The following KAZN variants were observed in gnomAD, a reference collection of about 807,000 sequenced individuals.
The protein encoded by KAZN is kazrin.
KAZN carries 40 observed loss-of-function variants against 87.4 expected under a neutral mutation model. The ratio of observed to expected loss-of-function variants is 0.46; its 90% CI spans 0.36 to 0.60. KAZN has a LOEUF of 0.60. Ranked by LOEUF, KAZN falls within the 20% of genes least tolerant of loss-of-function variation. The pLI, the probability that KAZN is intolerant of heterozygous loss-of-function variation, is 0.00. For missense variants in KAZN, 898 were observed against 1,073.9 expected (o/e 0.84, Z 2.29); for synonymous variants, 466 against 458.3 (o/e 1.02, Z -0.22).
chr1:14,130,032 A>G (rs1468573191), intron 1 of KAZN, among the ~76,000 whole-genome samples: 2 of 152,264 alleles, frequency 1.3e-5, no homozygotes, highest in East Asian at 3.8e-4. Context: ...TAAAAAATGA[A>G]TAAGATTCAG....
chr1:14,059,796 T>C (rs369921059), intron 1 of KAZN, among the ~76,000 whole-genome samples: 1 of 152,346 alleles, frequency 6.6e-6, no homozygotes, highest in East Asian at 1.9e-4. Context: ...ATTTTAGGAT[T>C]CCTTCAGGTC....
intron 1 of KAZN, among the ~76,000 whole-genome samples, chr1:13,904,169 G>C (rs556396290): frequency 2.0e-5 from 3 of 152,232 alleles, no homozygotes; most frequent in Non-Finnish European, 4.4e-5. Flanking sequence ...GCAGAGGATG[G>C]AGGGGCAGAA....
intron 1 of KAZN, among the ~76,000 whole-genome samples, chr1:14,922,389 A>C (rs1658620895): frequency 6.6e-6 from 1 of 152,070 alleles, no homozygotes; most frequent in African/African-American, 2.4e-5. Flanking sequence ...TATCTCAGTA[A>C]AGGAGAGGAA....
chr1:14,884,921 C>T (rs112579550), intron 1 of KAZN, among the ~76,000 whole-genome samples: 1,708 of 152,264 alleles, frequency 0.011, 26 homozygotes, highest in African/African-American at 0.04. Context: ...TGCCAACAGG[C>T]GGGGAGCAGA....
intron 1 of KAZN, among the ~76,000 whole-genome samples, chr1:14,009,084 T>C (rs750338777): frequency 5.9e-5 from 9 of 152,238 alleles, no homozygotes; most frequent in Non-Finnish European, 1.0e-4. Context: ...GTGACTGGCT[T>C]ATTTCACTTA....
chr1:14,608,266 T>C (rs1021028917), intron 1 of KAZN, among the ~76,000 whole-genome samples: 5 of 152,274 alleles, frequency 3.3e-5, no homozygotes, highest in Admixed American at 1.3e-4. Flanking sequence ...CTCCATCTAT[T>C]GTGAGAGATT....
chr1:14,170,015 A>G lies in KAZN; in HGVS notation c.92-10420A>G, dbSNP rs560264272. Among the ~76,000 whole-genome samples, 371 of 152,232 alleles carry G rather than the reference A, an allele frequency of 2.4e-3. 7 individuals carry two copies. The highest frequency in any genetic ancestry group is 0.023 in the South Asian group (112 of 4,820). ...GCTGTGGCAGGCTGGACCTTCCCCA[A>G]GCTTCTTTCTGAACATGGGCTTGGC... On this transcript the variant is annotated intron_variant, in intron 1 of 16. Coordinates refer to the KAZN transcript ENST00000636203.
At chr1:14,505,288 T>C (rs891351410) in intron 2 of KAZN, among the ~76,000 whole-genome samples, 1 of 152,092 alleles carries the variant, frequency 6.6e-6, no homozygotes, top group African/African-American at 2.4e-5. Flanking sequence ...GGTCTGAACA[T>C]GGTTCCGCCC....
At chr1:14,683,846 T>C (rs1640813968) in intron 1 of KAZN, among the ~76,000 whole-genome samples, 1 of 152,240 alleles carries the variant, frequency 6.6e-6, no homozygotes, top group Non-Finnish European at 1.5e-5. Flanking sequence ...TAGTTATTAT[T>C]TTTTGGATCC....
intron 2 of KAZN, among the ~76,000 whole-genome samples, chr1:14,510,433 C>A (rs1387592883): frequency 1.3e-5 from 2 of 151,020 alleles, no homozygotes; most frequent in South Asian, 4.2e-4. Context: ...GCAACAAAAT[C>A]TTTTTTGTAT....
At chr1:14,974,216 G>C (rs1406440311) in intron 2 of KAZN, among the ~76,000 whole-genome samples, 2 of 151,762 alleles carry the variant, frequency 1.3e-5, no homozygotes, top group Non-Finnish European at 2.9e-5. Context: ...CCTAGTCCTA[G>C]GAGTCACTTA....
At chr1:14,526,726 G>A (rs781617148) in intron 2 of KAZN, among the ~76,000 whole-genome samples, 2 of 151,998 alleles carry the variant, frequency 1.3e-5, no homozygotes, top group East Asian at 1.9e-4. Context: ...ATTCCCCTGG[G>A]ACCATTTTCA....
chr1:14,608,783 G>A (rs942698635), intron 1 of KAZN, among the ~76,000 whole-genome samples: 6 of 152,222 alleles, frequency 3.9e-5, no homozygotes, highest in African/African-American at 1.4e-4. Context: ...CATCTTCGCA[G>A]CCAGGTCTCA....
intron 1 of KAZN, among the ~76,000 whole-genome samples, chr1:14,905,845 AAATAATAATAAT>A (rs59662108): frequency 2.1e-5 from 3 of 143,266 alleles, no homozygotes; most frequent in South Asian, 2.3e-4. Flanking sequence ...TCCGTCTCAA[AAATAATAATAAT>A]AATAATAATA....
chr1:14,942,488 C>G (rs998909036), intron 1 of KAZN, among the ~76,000 whole-genome samples: 1 of 152,248 alleles, frequency 6.6e-6, no homozygotes, highest in African/African-American at 2.4e-5. Flanking sequence ...TGTTTCTGCA[C>G]AACCTTCTGT....
At chr1:14,330,251 G>A (rs940422044) in intron 2 of KAZN, among the ~76,000 whole-genome samples, 2 of 152,198 alleles carry the variant, frequency 1.3e-5, no homozygotes, top group African/African-American at 4.8e-5. Flanking sequence ...TACTGTGGAA[G>A]AGGAGTATCT....
At chr1:14,164,534 CT>C (rs1168650321) in intron 1 of KAZN, among the ~76,000 whole-genome samples, 2,441 of 93,670 alleles carry the variant, frequency 0.026, 43 homozygotes, top group African/African-American at 0.091. Flanking sequence ...TGAGTTTCCT[CT>C]TTTTTTTTTT....
intron 1 of KAZN, among the ~76,000 whole-genome samples, chr1:14,654,853 G>A (rs945556987): frequency 1.3e-5 from 2 of 152,210 alleles, no homozygotes; most frequent in Non-Finnish European, 2.9e-5. Context: ...CCTGGCCCAT[G>A]TGTCCACAGG....
At chr1:14,528,450 ACTC>A (rs201037632) in intron 2 of KAZN, among the ~76,000 whole-genome samples, 2,929 of 151,700 alleles carry the variant, frequency 0.019, 35 homozygotes, top group Non-Finnish European at 0.029. Context: ...TACAAAGAAC[ACTC>A]CTCCTACCTA....
Sources: allele counts gnomAD v4.1 joint callset (sites outside exome capture counted in the v4.1 genomes callset), GRCh38; gene constraint gnomAD v4.1.1; transcripts MANE v1.5; gene names NCBI Gene and HGNC (gene_info 2026-07-23, HGNC 2026-07-21).